NIPA2: variants seen among roughly 807,000 people sequenced by gnomAD.
NIPA2 encodes magnesium transporter NIPA2.
NIPA2 carries 11 observed loss-of-function variants against 29.7 expected under a neutral mutation model. The ratio of observed to expected loss-of-function variants is 0.37; its 90% CI spans 0.23 to 0.61. NIPA2 has a LOEUF of 0.61. Among genes scored for constraint, NIPA2 ranks in the 20% least tolerant of loss-of-function variants. The pLI, the probability that NIPA2 is intolerant of heterozygous loss-of-function variation, is 0.66. For missense variants in NIPA2, 426 were observed against 437.9 expected, an observed-to-expected ratio of 0.97 and a Z score of 0.24; for synonymous variants, 183 against 161.9, an observed-to-expected ratio of 1.13 and a Z score of -0.99.
intron 3 of NIPA2, among the ~76,000 whole-genome samples, chr15:22,850,640 C>T (rs1170943246): frequency 6.6e-6 from 1 of 152,126 alleles, no homozygotes; most frequent in Non-Finnish European, 1.5e-5. Context: ...GCATAATAAA[C>T]GCTTAGCACA....
At position 22,858,476 on chromosome 15, in the gene NIPA2, C is replaced by T. The variant is rs549251795; in HGVS notation, c.197-64C>T. 5.6e-4 allele frequency: 518 copies of T among 921,024 alleles called. 8 individuals carry two copies. The highest frequency in any genetic ancestry group is 3.1e-3 in the South Asian group (208 of 66,484). The allele number at this position is 921,024 out of a possible 1,614,324, so 57.1% of individuals were successfully genotyped here. On this transcript the variant is annotated intron_variant, in intron 5 of 7. Transcript: ENST00000337451. ...AATATATAGATAGTGCATAAAATGC[C>T]GGCATTTCCAAGTTGAGTACATACA...
At chr15:22,857,815 C>T (rs1263128603) in intron 5 of NIPA2, among the ~76,000 whole-genome samples, 2 of 117,302 alleles carry the variant, frequency 1.7e-5, no homozygotes, top group Non-Finnish European at 1.6e-5. Context: ...CCAGCCTGGG[C>T]GATAGAGCAA....
chr15:22,846,099 A>G (rs1187770559), intron 3 of NIPA2, among the ~76,000 whole-genome samples: 1 of 152,126 alleles, frequency 6.6e-6, no homozygotes, highest in Non-Finnish European at 1.5e-5. Context: ...GACAGACGAG[A>G]TGGACGGAAG....
chr15:22,859,128 A>G (rs1262955999), intron 6 of NIPA2, among the ~76,000 whole-genome samples: 1 of 152,050 alleles, frequency 6.6e-6, no homozygotes, highest in Non-Finnish European at 1.5e-5. Flanking sequence ...GACCCGAGAT[A>G]GCACCACTGC....
At chr15:22,853,833 CT>C (rs977389204) in intron 5 of NIPA2, among the ~76,000 whole-genome samples, 1 of 151,710 alleles carries the variant, frequency 6.6e-6, no homozygotes, top group African/African-American at 2.4e-5. Context: ...CCAGTTAGTC[CT>C]TTTTTTTGTT....
chr15:22,838,799 T>C lies in NIPA2; in HGVS notation c.-474T>C, dbSNP rs1029942789. On this transcript the variant is annotated 5_prime_UTR_variant, in exon 1 of 8. Transcript: ENST00000337451. ...AGCCCCGAATGCTCGCATCTCCCAC[T>C]GGACGGCGACGAAGGCGGTGGCCGT... 1.3e-5 allele frequency: 2 copies of C among 152,724 alleles called. No homozygotes were observed. The highest frequency in any genetic ancestry group is 2.4e-5 in the African/African-American group (1 of 41,462). 9.5% of individuals were successfully genotyped at this position (152,724 alleles called of 1,614,324 possible).
chr15:22,853,137 G>A, intron 4 of NIPA2, 75 bp from the exon 5 acceptor site: 1 of 978,396 alleles, frequency 1.0e-6, no homozygotes, highest in South Asian at 1.4e-5. Context: ...TTAAAAATCT[G>A]TCATTACTAA....
chr15:22,843,210 A>T (rs1412665865), intron 2 of NIPA2, among the ~76,000 whole-genome samples: 1 of 152,070 alleles, frequency 6.6e-6, no homozygotes, highest in African/African-American at 2.4e-5. Flanking sequence ...GTTACTTAAC[A>T]TCTCTGGACT....
At chr15:22,851,547 T>G in intron 3 of NIPA2, 92 bp from the exon 4 acceptor site, 1 of 387,940 alleles carries the variant, frequency 2.6e-6, no homozygotes, top group Non-Finnish European at 4.6e-6. Context: ...CTATTTTTTC[T>G]TTAGGGGAAG....
intron 1 of NIPA2, among the ~76,000 whole-genome samples, chr15:22,839,420 C>T (rs543485433): frequency 6.6e-6 from 1 of 152,266 alleles, no homozygotes; most frequent in East Asian, 1.9e-4. Context: ...AGTTCTGTTT[C>T]TAGAAATCCT....
At chr15:22,852,811 T>G (rs1187314094) in intron 4 of NIPA2, among the ~76,000 whole-genome samples, 2 of 152,188 alleles carry the variant, frequency 1.3e-5, no homozygotes, top group Non-Finnish European at 2.9e-5. Context: ...TTGGACCTTA[T>G]GAGGAGAGCT....
At chr15:22,855,415 CAAAA>C (rs111944942) in intron 5 of NIPA2, among the ~76,000 whole-genome samples, 1 of 139,314 alleles carries the variant, frequency 7.2e-6, no homozygotes, top group African/African-American at 2.6e-5. Flanking sequence ...GAAACTGTCT[CAAAA>C]AAAAAAAAAT....
chr15:22,860,974 T>G (rs935763454), intron 7 of NIPA2, among the ~76,000 whole-genome samples, 185 bp downstream of exon 7: 1 of 152,204 alleles, frequency 6.6e-6, no homozygotes, highest in Non-Finnish European at 1.5e-5. Flanking sequence ...TTTAACTCTG[T>G]GTTTGTAAGT....
chr15:22,851,361 CAG>C, intron 3 of NIPA2, among the ~76,000 whole-genome samples: 1 of 151,710 alleles, frequency 6.6e-6, no homozygotes, highest in African/African-American at 2.4e-5. Context: ...TTTTTCTTAT[CAG>C]AAAGTTTTAT....
chr15:22,850,112 A>G (rs2057616403), intron 3 of NIPA2, among the ~76,000 whole-genome samples: 1 of 152,074 alleles, frequency 6.6e-6, no homozygotes, highest in Non-Finnish European at 1.5e-5. Context: ...TTTTTCAAAA[A>G]TCAGGGTGGA....
intron 3 of NIPA2, among the ~76,000 whole-genome samples, chr15:22,850,265 G>A (rs1331609594): frequency 1.3e-5 from 2 of 151,960 alleles, no homozygotes; most frequent in Non-Finnish European, 2.9e-5. Context: ...GTTGTGATCA[G>A]GACATGCACT....
chr15:22,866,629 A>C lies in NIPA2; in HGVS notation c.865A>C (p.Ile289Leu). ...VIGTLSGFFT[I>L]IVGIFLLHAF... Reference sequence around the variant, plus strand: ...TGGTACTTTGAGTGGCTTCTTTACAATCATTGTGGGGATATTCTTGTTGCA... The same window carrying C: ...TGGTACTTTGAGTGGCTTCTTTACACTCATTGTGGGGATATTCTTGTTGCA... Residue 289 changes from isoleucine to leucine, a missense_variant, in exon 8 of 8, where the codon ATC (isoleucine) becomes CTC (leucine). Around this residue, in one of 3 missense-constraint regions of NIPA2, gnomAD observed 357 missense variants for 339.8 expected, o/e 1.05. Coordinates refer to ENST00000337451, the MANE Select transcript of NIPA2 (RefSeq NM_030922.7). The C allele has an allele frequency of 6.2e-7, 1 of 1,614,058 alleles. No individual in the cohort carries two copies. The highest frequency in any genetic ancestry group is 8.5e-7 in the Non-Finnish European group (1 of 1,179,982).
intron 6 of NIPA2, among the ~76,000 whole-genome samples, chr15:22,859,579 A>G (rs1306000429): frequency 6.6e-6 from 1 of 152,202 alleles, no homozygotes; most frequent in Non-Finnish European, 1.5e-5. Context: ...GGCGTGAGCC[A>G]CTGTGCCCGG....
In NIPA2 at chr15:22,852,195, G is replaced by C. The variant is rs558143061; in HGVS notation, c.139+325G>C. 3.2e-4 allele frequency among the ~76,000 whole-genome samples: 49 copies of C among 152,288 alleles called. 2 individuals carry two copies. In the South Asian group the frequency reaches 9.3e-3, roughly 29 times the overall value. On this transcript the variant is annotated intron_variant, in intron 4 of 7. Coordinates refer to ENST00000337451, the MANE Select transcript of NIPA2 (RefSeq NM_030922.7). Reference sequence around the variant, plus strand: ...AAGAGTCCATGGTTAGGCTGGGCGTGGTGGCTCATGCCTGTAATCCCAGCA... The same window carrying C: ...AAGAGTCCATGGTTAGGCTGGGCGTCGTGGCTCATGCCTGTAATCCCAGCA...
Sources: gnomAD v4.1 joint callset for allele counts (sites outside exome capture counted in the v4.1 genomes callset) on GRCh38, gnomAD v4.1.1 for gene constraint, gnomAD v4.1.1 regional missense constraint, MANE v1.5 for transcripts, NCBI Gene and HGNC (gene_info 2026-07-23, HGNC 2026-07-21) for gene names.